The following OR3A2 variants were observed in gnomAD, a reference collection of about 807,000 sequenced individuals.
OR3A2 encodes the protein olfactory receptor family 3 subfamily A member 2.
For synonymous variants in OR3A2, 126 were observed against 159.3 expected (o/e 0.79, Z 1.57); for missense variants, 318 against 392.8 (o/e 0.81, Z 1.61).
chr17:3,291,858 G>A (rs776841901), intron 3 of OR3A2: 10 of 1,614,156 alleles, frequency 6.2e-6, no homozygotes, highest in Middle Eastern at 1.6e-4. Flanking sequence ...GCCACATGTG[G>A]AGAAGGCTTT....
chr17:3,350,980 A>G (rs1263293819), intron 2 of OR3A2, among the ~76,000 whole-genome samples: 6 of 152,030 alleles, frequency 3.9e-5, no homozygotes, highest in African/African-American at 1.5e-4. Context: ...ACAAAATTCA[A>G]CAACCTTTCA....
At chr17:3,378,423 G>A (rs1162901704) in intron 2 of OR3A2, among the ~76,000 whole-genome samples, 1 of 152,214 alleles carries the variant, frequency 6.6e-6, no homozygotes, top group Non-Finnish European at 1.5e-5. Context: ...GTAGGGAGAG[G>A]CCAGAGCAGA....
intron 2 of OR3A2, among the ~76,000 whole-genome samples, chr17:3,382,588 T>C (rs1157003183): frequency 6.6e-6 from 1 of 152,198 alleles, no homozygotes; most frequent in Non-Finnish European, 1.5e-5. Context: ...TGTCCTATTT[T>C]CCTCCCTGAC....
At chr17:3,373,722 CT>C (rs1283274323) in intron 2 of OR3A2, among the ~76,000 whole-genome samples, 5 of 152,034 alleles carry the variant, frequency 3.3e-5, no homozygotes, top group Non-Finnish European at 5.9e-5. Flanking sequence ...ACAGAAGATA[CT>C]TTTTTGGTGG....
chr17:3,379,589 C>A (rs937886074), intron 2 of OR3A2, among the ~76,000 whole-genome samples: 3 of 152,136 alleles, frequency 2.0e-5, no homozygotes, highest in African/African-American at 7.2e-5. Context: ...GAGGTTGAGG[C>A]AGGCCTGGAG....
upstream of OR3A2, among the ~76,000 whole-genome samples, chr17:3,288,552 T>C (rs946417324): frequency 6.6e-6 from 1 of 152,210 alleles, no homozygotes; most frequent in Non-Finnish European, 1.5e-5. Flanking sequence ...CACATGACTG[T>C]ACATAAAAAT....
intron 2 of OR3A2, among the ~76,000 whole-genome samples, chr17:3,377,871 G>C (rs972155624): frequency 6.6e-6 from 1 of 152,168 alleles, no homozygotes; most frequent in Non-Finnish European, 1.5e-5. Flanking sequence ...GACCATTTTG[G>C]AAAACTATTT....
chr17:3,310,463 C>T (rs375542571), intron 3 of OR3A2: 1 of 535,504 alleles, frequency 1.9e-6, no homozygotes, highest in African/African-American at 1.9e-5. Context: ...TCCTGGCGGC[C>T]ATCCTTATGG....
intron 2 of OR3A2, among the ~76,000 whole-genome samples, chr17:3,343,460 A>G (rs879444027): frequency 1.3e-5 from 2 of 152,202 alleles, no homozygotes; most frequent in Admixed American, 1.3e-4. Context: ...ACATAAACTC[A>G]GTATGCCCCA....
intron 2 of OR3A2, among the ~76,000 whole-genome samples, chr17:3,337,045 T>A (rs568651218): frequency 6.6e-6 from 1 of 152,284 alleles, no homozygotes; most frequent in East Asian, 1.9e-4. Context: ...ATTTCATACC[T>A]CTTTCTGCTT....
In OR3A2 at chr17:3,311,465, T is replaced by C. The variant is rs1320121945; in HGVS notation, c.-85+24568A>G. The C allele has an allele frequency of 2.2e-6, 1 of 450,724 alleles. No individual in the cohort carries two copies. The highest frequency in any genetic ancestry group is 2.0e-5 in the African/African-American group (1 of 49,434). 27.9% of individuals were successfully genotyped at this position (450,724 alleles called of 1,614,324 possible). ...TGCACTGTCTCCTTCATCAATGCTC[T>C]GACTCACACAGTGGCTGTGTCTGCG... On this transcript the variant is annotated intron_variant, in intron 3 of 4. Transcript: ENST00000573491. This position sits in a 1 kb window ranked among gnomAD's most constrained non-coding sequence, Gnocchi z 4.6.
chr17:3,283,124 T>C (rs1200266786), intron 1 of OR3A2, among the ~76,000 whole-genome samples: 3 of 152,222 alleles, frequency 2.0e-5, no homozygotes, highest in Non-Finnish European at 2.9e-5. Context: ...CACTTCTTTA[T>C]AGAGTCTGTC....
At chr17:3,307,343 A>C (rs8066268) in intron 3 of OR3A2, among the ~76,000 whole-genome samples, 28,776 of 152,208 alleles carry the variant, frequency 0.19, 4,273 homozygotes, top group African/African-American at 0.41. Flanking sequence ...TTAGCCTCTT[A>C]CAAGGACAGC....
chr17:3,321,129 C>T (rs1305389880), intron 3 of OR3A2, among the ~76,000 whole-genome samples: 1 of 151,822 alleles, frequency 6.6e-6, no homozygotes, highest in African/African-American at 2.4e-5. Context: ...GTATTTTATT[C>T]TCTTTGAAGC....
intron 3 of OR3A2, among the ~76,000 whole-genome samples, chr17:3,322,022 G>C (rs2049127668): frequency 6.6e-6 from 1 of 151,980 alleles, no homozygotes; most frequent in Non-Finnish European, 1.5e-5. Flanking sequence ...GACTTTTTTT[G>C]GTTGGTAAGC....
At chr17:3,314,436 G>A (rs1384150423) in intron 3 of OR3A2, among the ~76,000 whole-genome samples, 4 of 152,158 alleles carry the variant, frequency 2.6e-5, no homozygotes, top group African/African-American at 7.2e-5. Context: ...AAAGAAGAGT[G>A]AACGTATTGA....
chr17:3,346,501 C>A (rs1395864719), intron 2 of OR3A2, among the ~76,000 whole-genome samples: 13 of 152,138 alleles, frequency 8.5e-5, no homozygotes, highest in Non-Finnish European at 1.9e-4. Flanking sequence ...GCCTTGCCAT[C>A]CCCTCCAGCA....
intron 2 of OR3A2, among the ~76,000 whole-genome samples, chr17:3,337,952 T>A (rs2049285400): frequency 6.6e-6 from 1 of 152,238 alleles, no homozygotes; most frequent in Admixed American, 6.5e-5. Flanking sequence ...TCCTAACTTT[T>A]TAATGATCGC....
chr17:3,344,185 G>A (rs896081824), intron 2 of OR3A2, among the ~76,000 whole-genome samples: 1 of 152,158 alleles, frequency 6.6e-6, no homozygotes, highest in Non-Finnish European at 1.5e-5. Context: ...TGATGTCTGT[G>A]TATTGACTCT....
Sources: gnomAD v4.1 joint callset for allele counts (sites outside exome capture counted in the v4.1 genomes callset) on GRCh38, gnomAD v4.1.1 for gene constraint, Gnocchi (gnomAD v3.1) non-coding constraint, MANE v1.5 for transcripts, NCBI Gene and HGNC (gene_info 2026-07-23, HGNC 2026-07-21) for gene names.